Variants in EFL1 observed in about 807,000 individuals in gnomAD.
EFL1 encodes elongation factor like GTPase 1.
EFL1 carries 76 observed loss-of-function variants against 126.7 expected under a neutral mutation model. The ratio of observed to expected loss-of-function variants is 0.60; its 90% CI spans 0.50 to 0.73. EFL1 has a LOEUF of 0.73. Ranked by LOEUF, EFL1 falls within the 30% of genes least tolerant of loss-of-function variation. The pLI is 0.00. For missense variants in EFL1, 1,128 were observed against 1,343.2 expected (o/e 0.84, Z 2.50); for synonymous variants, 410 against 448.4 (o/e 0.91, Z 1.08).
intron 6 of EFL1, 44 bp downstream of exon 6, chr15:82,240,373 CT>C (rs2074918238): frequency 3.9e-6 from 6 of 1,535,808 alleles, no homozygotes; most frequent in Non-Finnish European, 5.3e-6. Flanking sequence ...TTCCTTACAA[CT>C]CTTCTTCGTG....
chr15:82,192,792 T>C (rs1413958945), intron 15 of EFL1, among the ~76,000 whole-genome samples: 2 of 151,914 alleles, frequency 1.3e-5, no homozygotes, highest in Non-Finnish European at 2.9e-5. Flanking sequence ...TCAATACATA[T>C]CTGTTGAACT....
chr15:82,252,175 GGTT>G (rs565011488), intron 4 of EFL1, among the ~76,000 whole-genome samples: 16 of 152,214 alleles, frequency 1.1e-4, no homozygotes, highest in African/African-American at 3.6e-4. Flanking sequence ...TTGACATTCA[GGTT>G]GTTGTTATTT....
At chr15:82,258,427 T>C (rs533551413) in intron 3 of EFL1, among the ~76,000 whole-genome samples, 2 of 152,094 alleles carry the variant, frequency 1.3e-5, no homozygotes, top group Non-Finnish European at 1.5e-5. Context: ...GGTGTGCACC[T>C]GTAGTCCCAG....
intron 15 of EFL1, among the ~76,000 whole-genome samples, chr15:82,170,457 T>C (rs2074123887): frequency 6.6e-6 from 1 of 152,234 alleles, no homozygotes; most frequent in Admixed American, 6.5e-5. Flanking sequence ...TATTGACAGC[T>C]GCAGGGTGGA....
chr15:82,237,342 G>T (rs1305082376), intron 7 of EFL1, among the ~76,000 whole-genome samples: 1 of 152,020 alleles, frequency 6.6e-6, no homozygotes. Flanking sequence ...TAAGAAAATG[G>T]GAAAGGATGT....
At chr15:82,185,206 TG>T (rs1567054783) in intron 15 of EFL1, among the ~76,000 whole-genome samples, 1 of 148,288 alleles carries the variant, frequency 6.7e-6, no homozygotes, top group Non-Finnish European at 1.5e-5. Context: ...TGTGTGTGTG[TG>T]TGTGTGTGCG....
intron 18 of EFL1, among the ~76,000 whole-genome samples, chr15:82,149,368 G>A (rs1595942535): frequency 6.6e-6 from 1 of 152,000 alleles, no homozygotes; most frequent in Non-Finnish European, 1.5e-5. Context: ...TCTGCTTTTT[G>A]GGGAACAGAG....
intron 7 of EFL1, among the ~76,000 whole-genome samples, 155 bp from the exon 8 acceptor site, chr15:82,231,126 T>C (rs1460168890): frequency 6.6e-6 from 1 of 152,184 alleles, no homozygotes; most frequent in African/African-American, 2.4e-5. Flanking sequence ...GAAGCAGAGA[T>C]ATCACACAGG....
At chr15:82,234,567 G>T (rs2074853457) in intron 7 of EFL1, among the ~76,000 whole-genome samples, 1 of 151,962 alleles carries the variant, frequency 6.6e-6, no homozygotes, top group Non-Finnish European at 1.5e-5. Context: ...ATATTACACT[G>T]CCCTGCCCAA....
intron 14 of EFL1, among the ~76,000 whole-genome samples, chr15:82,216,220 T>G (rs550769000): frequency 1.9e-4 from 29 of 152,186 alleles, no homozygotes; most frequent in Admixed American, 1.7e-3. Flanking sequence ...TGAAAAACAT[T>G]TAAAATGACC....
intron 19 of EFL1, among the ~76,000 whole-genome samples, chr15:82,136,521 T>C (rs1440168561): frequency 2.0e-5 from 3 of 152,250 alleles, no homozygotes; most frequent in African/African-American, 7.2e-5. Context: ...AAATATCATT[T>C]AGCTGTATTG....
chr15:82,185,749 C>T (rs1394256951), intron 15 of EFL1, among the ~76,000 whole-genome samples: 1 of 152,050 alleles, frequency 6.6e-6, no homozygotes, highest in Non-Finnish European at 1.5e-5. Context: ...AACTAAAACT[C>T]GATACCTTTA....
chr15:82,176,588 C>T (rs2074198273), intron 15 of EFL1, among the ~76,000 whole-genome samples: 1 of 152,170 alleles, frequency 6.6e-6, no homozygotes, highest in Non-Finnish European at 1.5e-5. Flanking sequence ...GGACCTTTCA[C>T]TTCTCTAGTC....
At chr15:82,191,310 A>C (rs1389228722) in intron 15 of EFL1, among the ~76,000 whole-genome samples, 4 of 152,208 alleles carry the variant, frequency 2.6e-5, no homozygotes, top group Non-Finnish European at 4.4e-5. Flanking sequence ...AGAAAGTTTA[A>C]AGTTTCATCA....
At chr15:82,210,390 G>A (rs2074571191) in intron 15 of EFL1, among the ~76,000 whole-genome samples, 1 of 152,102 alleles carries the variant, frequency 6.6e-6, no homozygotes, top group South Asian at 2.1e-4. Flanking sequence ...TCTCCCTGTT[G>A]GGTTGCTTAC....
At chr15:82,244,414 C>T (rs983907827) in intron 4 of EFL1, among the ~76,000 whole-genome samples, 6 of 152,072 alleles carry the variant, frequency 3.9e-5, no homozygotes, top group African/African-American at 1.5e-4. Flanking sequence ...TTTCAAGAGA[C>T]AAAATTTTTT....
intron 19 of EFL1, among the ~76,000 whole-genome samples, chr15:82,137,490 A>G (rs2073734278): frequency 6.6e-6 from 1 of 152,204 alleles, no homozygotes; most frequent in African/African-American, 2.4e-5. Flanking sequence ...CAATCTTCGC[A>G]TCAGCAAGGG....
At chr15:82,138,407 TGA>T (rs71156027) in intron 19 of EFL1, among the ~76,000 whole-genome samples, 27 of 147,808 alleles carry the variant, frequency 1.8e-4, no homozygotes, top group Admixed American at 4.7e-4. Flanking sequence ...AAAGGACAAA[TGA>T]GAGAGAGAGA....
intron 15 of EFL1, among the ~76,000 whole-genome samples, chr15:82,186,788 T>G (rs2089690370): frequency 6.6e-6 from 1 of 152,178 alleles, no homozygotes; most frequent in Admixed American, 6.5e-5. Flanking sequence ...GTCTTGTTCC[T>G]GTATCTGTTT....
Sources: gnomAD v4.1 joint callset for allele counts (sites outside exome capture counted in the v4.1 genomes callset) on GRCh38, gnomAD v4.1.1 for gene constraint, MANE v1.5 for transcripts, NCBI Gene and HGNC (gene_info 2026-07-23, HGNC 2026-07-21) for gene names.